The following SNX8 variants were observed in gnomAD, a reference collection of about 807,000 sequenced individuals.
SNX8 encodes sorting nexin 8, also known as sorting nexin-8.
In SNX8, 25 loss-of-function variants were observed where a neutral mutation model predicts 51.6. That is an observed-to-expected ratio of 0.48 (90% CI 0.35 to 0.68). The LOEUF (loss-of-function observed/expected upper bound fraction) is 0.68, where lower values mean the gene tolerates loss of function less well. Ranked by LOEUF, SNX8 falls within the 30% of genes least tolerant of loss-of-function variation. The pLI is 0.00. For missense variants in SNX8, 695 were observed against 624.0 expected, an observed-to-expected ratio of 1.11 and a Z score of -1.21; for synonymous variants, 324 against 277.0, an observed-to-expected ratio of 1.17 and a Z score of -1.68.
At position 2,263,287 on chromosome 7, in the gene SNX8, C is replaced by A; in HGVS notation, c.858G>T (p.Gln286His). The change falls in exon 7 of 11, where the codon CAG becomes CAT. Residue 286 changes from glutamine (Q) to histidine (H), a missense_variant. Transcript: ENST00000222990. ...LNSSTWGSLK[Q>H]ALKGLSVEFA... ...ATTCCACAGACAGGCCTTTCAGAGC[C>A]TGCTTCAGGGACCCCCACGTGCTGC... 6.2e-7 allele frequency: 1 copy of A among 1,613,988 alleles called. No homozygotes were observed. The highest frequency in any genetic ancestry group is 8.5e-7 in the Non-Finnish European group (1 of 1,180,026).
At chr7:2,351,675 CA>C (rs1202727310) in intron 1 of SNX8, among the ~76,000 whole-genome samples, 4 of 151,466 alleles carry the variant, frequency 2.6e-5, no homozygotes, top group South Asian at 2.1e-4. Flanking sequence ...ACTAAAAATA[CA>C]AAAAATTAGC....
At chr7:2,306,389 C>A (rs1162346211) in intron 1 of SNX8, among the ~76,000 whole-genome samples, 1 of 152,134 alleles carries the variant, frequency 6.6e-6, no homozygotes, top group Non-Finnish European at 1.5e-5. Flanking sequence ...GGATTACAGG[C>A]GTGAGCCACC....
chr7:2,279,608 A>C (rs562977184), intron 1 of SNX8, among the ~76,000 whole-genome samples: 1 of 152,092 alleles, frequency 6.6e-6, no homozygotes, highest in African/African-American at 2.4e-5. Flanking sequence ...AAAATTAGCC[A>C]TGCGTGGTGG....
intron 7 of SNX8, 119 bp downstream of exon 7, chr7:2,263,111 C>T (rs537768378): frequency 5.7e-6 from 7 of 1,237,460 alleles, no homozygotes. Flanking sequence ...GAGGGAGACT[C>T]CTTCTCAAAA....
intron 1 of SNX8, among the ~76,000 whole-genome samples, chr7:2,329,812 C>T (rs1333557176): frequency 6.8e-6 from 1 of 148,054 alleles, no homozygotes; most frequent in Non-Finnish European, 1.5e-5. Context: ...AGCTCTTCAT[C>T]CATATTTTTT....
rs1795138925 is a variant in SNX8 at position 2,254,956 on chromosome 7, C to T, written c.*100G>A. On this transcript the variant is annotated 3_prime_UTR_variant, in exon 11 of 11. Coordinates refer to ENST00000222990, the MANE Select transcript of SNX8 (RefSeq NM_013321.4). ...GCTCCAGCTGCAGCACGGGGCGTGG[C>T]GGGGAGGGGAGCTGCCGTCCAAAGG... 8.5e-6 allele frequency: 7 copies of T among 828,140 alleles called. No homozygotes were observed. Among genetic ancestry groups the T allele is most frequent in the East Asian group, 8.0e-5 (3 of 37,612 alleles). 51.3% of individuals were successfully genotyped at this position (828,140 alleles called of 1,614,324 possible).
chr7:2,303,111 G>A (rs1000025529), intron 1 of SNX8, among the ~76,000 whole-genome samples: 2 of 144,666 alleles, frequency 1.4e-5, no homozygotes, highest in Non-Finnish European at 3.0e-5. Flanking sequence ...GAGGTGGGGG[G>A]GTCAGCCCCC....
chr7:2,314,242 A>G (rs2115214471), intron 1 of SNX8, 86 bp downstream of exon 1: 2 of 1,199,934 alleles, frequency 1.7e-6, no homozygotes, highest in South Asian at 8.3e-5. Flanking sequence ...GTCGGGGACC[A>G]AGCGCGGCGG....
intron 1 of SNX8, among the ~76,000 whole-genome samples, chr7:2,353,719 C>T (rs1297635059): frequency 6.6e-6 from 1 of 152,146 alleles, no homozygotes. Context: ...ACACTCCCCA[C>T]TCTCCACCCC....
chr7:2,302,713 C>T (rs1381033510), intron 1 of SNX8, among the ~76,000 whole-genome samples: 1 of 151,750 alleles, frequency 6.6e-6, no homozygotes, highest in East Asian at 1.9e-4. Flanking sequence ...CTTTGCCCGG[C>T]CGCCCATCGT....
chr7:2,278,349 A>G (rs1200704683), intron 1 of SNX8, 44 bp from the exon 2 acceptor site: 1 of 1,269,870 alleles, frequency 7.9e-7, no homozygotes, highest in Admixed American at 2.2e-5. Flanking sequence ...AGCTGCTCAA[A>G]AGCTGGAGCC....
Position 2,257,347 on chromosome 7 carries a change from G to C in SNX8, c.1134+18C>G. 3 of 1,598,644 alleles carry C rather than the reference G, an allele frequency of 1.9e-6. No homozygotes were observed. Among genetic ancestry groups the C allele is most frequent in the Middle Eastern group, 2.0e-4 (1 of 4,892 alleles). ...GGGAAAGGCTCCCACGGGCCTGCTC[G>C]GCCGCCCCGCCACCCACCTCCACAA... On this transcript the variant is annotated intron_variant, in intron 9 of 10. Transcript: ENST00000222990.
At chr7:2,265,067 T>A (rs1310752357) in intron 5 of SNX8, among the ~76,000 whole-genome samples, 1 of 150,732 alleles carries the variant, frequency 6.6e-6, no homozygotes, top group African/African-American at 2.4e-5. Context: ...ACTCGAATAA[T>A]AATCTTGCCG....
In SNX8 at chr7:2,257,505, C is replaced by G. The variant is rs757858617; in HGVS notation, c.994G>C (p.Glu332Gln). 1 of 1,603,308 alleles carries G rather than the reference C, an allele frequency of 6.2e-7. No individual in the cohort carries two copies. The highest frequency in any genetic ancestry group is 1.1e-5 in the South Asian group (1 of 90,524). Residue 332 changes from glutamate (E) to glutamine (Q), a missense_variant, in exon 9 of 11, where the codon GAG becomes CAG. Physicochemically the swap from Glu to Gln is conservative, Grantham distance 29. Coordinates refer to ENST00000222990, the MANE Select transcript of SNX8 (RefSeq NM_013321.4). ...TGCAACACGCCCTTCTCATGCCGCT[C>G]GCACAGGTCCTGCGGGGCCGGGGGA... ...DLLQSYKDLC[E>Q]RHEKGVLHKH...
intron 1 of SNX8, among the ~76,000 whole-genome samples, chr7:2,293,614 A>G (rs936288577): frequency 6.6e-6 from 1 of 151,520 alleles, no homozygotes; most frequent in African/African-American, 2.4e-5. Flanking sequence ...GTGAGCCAAG[A>G]TAGCGCCATT....
upstream of SNX8, among the ~76,000 whole-genome samples, chr7:2,315,163 T>C (rs1197366407): frequency 6.6e-6 from 1 of 150,912 alleles, no homozygotes. Context: ...CCTGCATTCA[T>C]TCATCCAGCC....
intron 1 of SNX8, among the ~76,000 whole-genome samples, chr7:2,342,857 C>G (rs1778958269): frequency 1.3e-5 from 2 of 151,924 alleles, no homozygotes; most frequent in Admixed American, 6.6e-5. Context: ...GAGTCTCGCT[C>G]TGTCGCCTAG....
At chr7:2,294,806 G>A (rs1320411439) in intron 1 of SNX8, among the ~76,000 whole-genome samples, 1 of 152,114 alleles carries the variant, frequency 6.6e-6, no homozygotes, top group Non-Finnish European at 1.5e-5. Context: ...AGGCCAAACA[G>A]GGAGGATCAC....
intron 1 of SNX8, among the ~76,000 whole-genome samples, chr7:2,340,308 G>A (rs552712188): frequency 1.1e-4 from 17 of 151,316 alleles, no homozygotes; most frequent in African/African-American, 4.1e-4. Context: ...CCGACCTCAC[G>A]TGATCTGCCC....
Sources: gnomAD v4.1 joint callset for allele counts (sites outside exome capture counted in the v4.1 genomes callset) on GRCh38, gnomAD v4.1.1 for gene constraint, MANE v1.5 for transcripts, NCBI Gene and HGNC (gene_info 2026-07-23, HGNC 2026-07-21) for gene names.